The following NOTCH2NLC variants were observed in gnomAD, a reference collection of about 807,000 sequenced individuals.
NOTCH2NLC encodes notch 2 N-terminal like C.
NOTCH2NLC carries 4 observed loss-of-function variants against 17.7 expected under a neutral mutation model. The ratio of observed to expected loss-of-function variants is 0.23; its 90% CI spans 0.11 to 0.52. The LOEUF is 0.52. Ranked by LOEUF, NOTCH2NLC falls within the 20% of genes least tolerant of loss-of-function variation. NOTCH2NLC has a pLI of 0.96. For synonymous variants in NOTCH2NLC, 18 were observed against 86.0 expected, an observed-to-expected ratio of 0.21 and a Z score of 4.38; for missense variants, 57 against 207.2, an observed-to-expected ratio of 0.28 and a Z score of 4.45.
chr1:149,390,710 C>A lies in NOTCH2NLC; in HGVS notation c.-78C>A, dbSNP rs2084153535. The stretch of plus-strand genomic sequence containing the variant: ...AGGCATTTGCGCCTGTGCTTCGGAC[C>A]GTAGCGCCAGGGCCTGAGCCTTTGA... On this transcript the variant is annotated 5_prime_UTR_variant, in exon 1 of 5. Transcript: ENST00000650865. 8 of 1,244,140 alleles carry A rather than the reference C, an allele frequency of 6.4e-6. 1 individual carries two copies. The highest frequency in any genetic ancestry group is 3.1e-4 in the Middle Eastern group (1 of 3,216). 77.1% of individuals were successfully genotyped at this position (1,244,140 alleles called of 1,614,324 possible).
At position 149,390,838 on chromosome 1, in the gene NOTCH2NLC, C is replaced by CGGCGGCGGCGGCGGCGGCGGCGGCGGA. The variant is rs1484758084; in HGVS notation, c.55_56insGCGGCGGCGGCGGCGGCGGCGGAGGCG (p.Gly10_Gly18dup). The CGGCGGCGGCGGCGGCGGCGGCGGCGGA allele has an allele frequency of 1.5e-6, 2 of 1,336,406 alleles. No homozygotes were observed. Among genetic ancestry groups the CGGCGGCGGCGGCGGCGGCGGCGGCGGA allele is most frequent in the African/African-American group, 3.2e-5 (2 of 63,358 alleles). The allele number at this position is 1,336,406 out of a possible 1,614,324, so 82.8% of individuals were successfully genotyped here. A position where few individuals can be genotyped will look rare whatever the true frequency, so the allele number is the denominator to read the frequency against. ...GCGGCGGCGGCGGCGGCGGAGGAGGCGGCGACCGAGAAGATGCCCGCCCTG... is the reference window on the plus strand; with the variant it reads ...GCGGCGGCGGCGGCGGCGGAGGAGGCGGCGGCGGCGGCGGCGGCGGCGGCGGAGGCGACCGAGAAGATGCCCGCCCTG... On this transcript the variant is annotated inframe_insertion, in exon 1 of 5. Transcript: ENST00000650865.
At chr1:149,398,137 A>G (rs2084219264) in intron 1 of NOTCH2NLC, among the ~76,000 whole-genome samples, 1 of 151,252 alleles carries the variant, frequency 6.6e-6, no homozygotes, top group African/African-American at 2.4e-5. Context: ...TAATACCACC[A>G]GGGAAAGGCG....
intron 1 of NOTCH2NLC, among the ~76,000 whole-genome samples, chr1:149,400,139 A>ATTTTTTT (rs1176135315): frequency 7.6e-6 from 1 of 131,976 alleles, no homozygotes; most frequent in South Asian, 2.3e-4. Flanking sequence ...TATAATATAT[A>ATTTTTTT]TTTTTTTTTT....
At chr1:149,416,727 G>A (rs1206771295) in intron 1 of NOTCH2NLC, among the ~76,000 whole-genome samples, 1 of 150,432 alleles carries the variant, frequency 6.6e-6, no homozygotes, top group Non-Finnish European at 1.5e-5. Flanking sequence ...CAGTCATAGG[G>A]TAGTTTTTTT....
intron 2 of NOTCH2NLC, among the ~76,000 whole-genome samples, chr1:149,446,512 G>A (rs1379380542): frequency 6.9e-6 from 1 of 144,848 alleles, no homozygotes; most frequent in African/African-American, 2.5e-5. Context: ...TTTTTTTTTT[G>A]AGATGGGGTT....
Position 149,390,802 on chromosome 1 carries a change from A to AGTCGGCGGCGGCGGCGGCGGCGGC in NOTCH2NLC, c.16_17insTCGGCGGCGGCGGCGGCGGCGGCG (p.Pro5_Gly6insValGlyGlyGlyGlyGlyGlyGly), listed in dbSNP as rs1553702671. The stretch of plus-strand genomic sequence containing the variant: ...ACCCCCTCCCCATGTGGATCTGCCC[A>AGTCGGCGGCGGCGGCGGCGGCGGC]GGCGGCGGCGGCGGCGGCGGCGGCG... On this transcript the variant is annotated inframe_insertion, in exon 1 of 5. Transcript: ENST00000650865. The AGTCGGCGGCGGCGGCGGCGGCGGC allele has an allele frequency of 1.2e-6, 1 of 827,786 alleles. No homozygotes were observed. The highest frequency in any genetic ancestry group is 2.4e-5 in the African/African-American group (1 of 40,986). The allele number at this position is 827,786 out of a possible 1,614,324, so 51.3% of individuals were successfully genotyped here.
intron 1 of NOTCH2NLC, among the ~76,000 whole-genome samples, chr1:149,398,247 G>A (rs2084219875): frequency 1.3e-5 from 2 of 150,376 alleles, no homozygotes; most frequent in Admixed American, 1.3e-4. Flanking sequence ...CTTGGCTTGG[G>A]GAAAAGACAA....
At chr1:149,420,000 G>A (rs1385118470) in intron 1 of NOTCH2NLC, among the ~76,000 whole-genome samples, 7 of 143,370 alleles carry the variant, frequency 4.9e-5, no homozygotes, top group Non-Finnish European at 1.1e-4. Context: ...CCTAGTAGCT[G>A]GGACTACAGG....
In NOTCH2NLC at chr1:149,400,131, T is replaced by A. The variant is rs1291518007; in HGVS notation, c.135+9209T>A. On this transcript the variant is annotated intron_variant, in intron 1 of 4. Coordinates refer to ENST00000650865, the MANE Select transcript of NOTCH2NLC (RefSeq NM_001364013.2). ...ATTTATTTATATATATATATATATATAATATATATTTTTTTTTTAGTTTAT... is the reference window on the plus strand; with the variant it reads ...ATTTATTTATATATATATATATATAAAATATATATTTTTTTTTTAGTTTAT... Among the ~76,000 whole-genome samples, 188 of 134,970 alleles carry A rather than the reference T, an allele frequency of 1.4e-3. 9 individuals are homozygous for A. Among genetic ancestry groups the A allele is most frequent in the East Asian group, 8.4e-3 (36 of 4,282 alleles). The allele number at this position is 134,970 out of a possible 152,430, so 88.5% of individuals were successfully genotyped here.
intron 1 of NOTCH2NLC, among the ~76,000 whole-genome samples, 155 bp downstream of exon 1, chr1:149,391,077 G>C (rs2084163681): frequency 1.3e-5 from 1 of 77,510 alleles, no homozygotes; most frequent in Admixed American, 1.2e-4. Flanking sequence ...TTTGGACATC[G>C]CCGGGGGCCC....
At chr1:149,446,594 C>T (rs1458278771) in intron 2 of NOTCH2NLC, among the ~76,000 whole-genome samples, 3 of 149,834 alleles carry the variant, frequency 2.0e-5, no homozygotes, top group Non-Finnish European at 4.5e-5. Flanking sequence ...CCTTGGCCTC[C>T]CACAGTGCTG....
chr1:149,402,502 G>A (rs1404292586), intron 1 of NOTCH2NLC, among the ~76,000 whole-genome samples: 2 of 98,026 alleles, frequency 2.0e-5, no homozygotes, highest in African/African-American at 4.0e-5. Flanking sequence ...GCTATCCTTT[G>A]GAGTAGACAA....
intron 3 of NOTCH2NLC, among the ~76,000 whole-genome samples, chr1:149,462,989 C>G (rs2084658588): frequency 6.8e-6 from 1 of 147,112 alleles, no homozygotes; most frequent in Non-Finnish European, 1.5e-5. Context: ...GTGCGCGCCA[C>G]CATGCCCAGC....
Position 149,432,728 on chromosome 1 carries a change from G to A in NOTCH2NLC, c.209+1713G>A, listed in dbSNP as rs1204124002. On this transcript the variant is annotated intron_variant, in intron 2 of 4. Transcript: ENST00000650865. ...GCATTTTTTGCATAGTTAATGCCTA[G>A]TACAGTGCCTGGTGTAGTTATTGTT... Among the ~76,000 whole-genome samples the A allele has an allele frequency of 1.4e-3, 216 of 149,412 alleles. 2 individuals are homozygous for A. Among genetic ancestry groups the A allele is most frequent in the African/African-American group, 4.9e-3 (200 of 40,688 alleles).
At chr1:149,442,541 AG>A (rs1210172422) in intron 2 of NOTCH2NLC, among the ~76,000 whole-genome samples, 4 of 79,532 alleles carry the variant, frequency 5.0e-5, no homozygotes, top group Non-Finnish European at 1.0e-4. Flanking sequence ...CCAAGATTAT[AG>A]AGTCATCACA....
At chr1:149,432,517 G>A (rs1206789828) in intron 2 of NOTCH2NLC, among the ~76,000 whole-genome samples, 2 of 151,074 alleles carry the variant, frequency 1.3e-5, no homozygotes, top group African/African-American at 4.9e-5. Context: ...TACAACTGGA[G>A]ATAATAAGGG....
Position 149,414,448 on chromosome 1 carries a change from A to T in NOTCH2NLC, c.136-16494A>T, listed in dbSNP as rs1478508587. On this transcript the variant is annotated intron_variant, in intron 1 of 4. Transcript: ENST00000650865. ...TCTTTGCATTTTTCTGGCATACTGT[A>T]TACTCTTGAGCGCATATGTATCCTA... Among the ~76,000 whole-genome samples the T allele has an allele frequency of 7.3e-5, 11 of 150,416 alleles. 1 individual carries two copies. Among genetic ancestry groups the T allele is most frequent in the Non-Finnish European group, 1.6e-4 (11 of 67,368 alleles).
chr1:149,445,827 T>C (rs1372293765), intron 2 of NOTCH2NLC, among the ~76,000 whole-genome samples: 4 of 148,046 alleles, frequency 2.7e-5, no homozygotes, highest in African/African-American at 9.9e-5. Context: ...AGCATGCCTC[T>C]CTTTTTCTTC....
intron 1 of NOTCH2NLC, among the ~76,000 whole-genome samples, chr1:149,408,630 A>G (rs2084282297): frequency 6.6e-6 from 1 of 151,354 alleles, no homozygotes; most frequent in Admixed American, 6.6e-5. Context: ...TGATGGCTAA[A>G]ATTTTAACTC....
Sources: allele counts gnomAD v4.1 joint callset (sites outside exome capture counted in the v4.1 genomes callset), GRCh38; gene constraint gnomAD v4.1.1; transcripts MANE v1.5; gene names NCBI Gene and HGNC (gene_info 2026-07-23, HGNC 2026-07-21).